CLVS2: variants seen among roughly 807,000 people sequenced by gnomAD.
The protein encoded by CLVS2 is clavesin 2.
Under a neutral mutation model 29.0 loss-of-function variants are expected in CLVS2, and 19 were observed. That is an observed-to-expected ratio of 0.66 (90% confidence interval 0.46 to 0.96). The LOEUF is 0.96. Among genes scored for constraint, CLVS2 ranks in the 40% least tolerant of loss-of-function variants. The pLI, the probability that CLVS2 is intolerant of heterozygous loss-of-function variation, is 0.00. For missense variants in CLVS2, 294 were observed against 404.1 expected (o/e 0.73, Z 2.34); for synonymous variants, 161 against 151.3 (o/e 1.06, Z -0.47).
At chr6:123,031,964 T>C (rs1396287653) in intron 3 of CLVS2, among the ~76,000 whole-genome samples, 1 of 152,164 alleles carries the variant, frequency 6.6e-6, no homozygotes, top group Non-Finnish European at 1.5e-5. Flanking sequence ...TTAGTGCCAA[T>C]ATCTTATAGT....
In CLVS2 at chr6:123,055,841, C is replaced by T; in HGVS notation, c.711C>T (p.His237=). The change falls in exon 5 of 6, where the codon CAC becomes CAT. Residue 237 remains histidine (H), a synonymous_variant. Transcript: ENST00000275162. ...ATGGTAACAACCTGAACAGTCTACACCAACTAATTCATCCTGAGATCCTGC... is the reference window on the plus strand; with the variant it reads ...ATGGTAACAACCTGAACAGTCTACATCAACTAATTCATCCTGAGATCCTGC... ...FLHGNNLNSL[H]QLIHPEILPS... 6.2e-6 allele frequency: 10 copies of T among 1,614,034 alleles called. No individual in the cohort carries two copies. The highest frequency in any genetic ancestry group is 8.5e-6 in the Non-Finnish European group (10 of 1,179,930).
intron 4 of CLVS2, among the ~76,000 whole-genome samples, chr6:123,053,674 GAGA>G (rs1188278337): frequency 1.3e-5 from 2 of 152,138 alleles, no homozygotes; most frequent in African/African-American, 2.4e-5. Flanking sequence ...TTGCTATAAA[GAGA>G]AGGAGAGAAA....
intron 2 of CLVS2, 76 bp downstream of exon 2, chr6:122,998,242 T>C: frequency 6.8e-7 from 1 of 1,463,378 alleles, no homozygotes; most frequent in South Asian, 1.3e-5. Context: ...AGTGTCATGG[T>C]TTTGTAGATT....
intron 5 of CLVS2, among the ~76,000 whole-genome samples, chr6:123,062,651 T>C (rs575730815): frequency 6.6e-6 from 1 of 152,338 alleles, no homozygotes; most frequent in East Asian, 1.9e-4. Context: ...TATCAGTTAA[T>C]CCTGTAATTA....
At chr6:123,035,825 C>T (rs1451659679) in intron 3 of CLVS2, among the ~76,000 whole-genome samples, 3 of 152,002 alleles carry the variant, frequency 2.0e-5, no homozygotes, top group African/African-American at 7.2e-5. Context: ...ACAAACACAC[C>T]CCCATATACA....
At chr6:123,004,683 C>T (rs1208184489) in intron 2 of CLVS2, among the ~76,000 whole-genome samples, 2 of 152,090 alleles carry the variant, frequency 1.3e-5, no homozygotes, top group Admixed American at 1.3e-4. Context: ...GAGGCCAAGG[C>T]GTGTAGATCA....
At chr6:123,021,321 C>A (rs1020682305) in intron 3 of CLVS2, among the ~76,000 whole-genome samples, 1 of 151,978 alleles carries the variant, frequency 6.6e-6, no homozygotes, top group African/African-American at 2.4e-5. Flanking sequence ...TAGCTGAAAT[C>A]TCTCTGTAAA....
At chr6:123,059,784 G>A (rs1351532836) in intron 5 of CLVS2, among the ~76,000 whole-genome samples, 1 of 152,120 alleles carries the variant, frequency 6.6e-6, no homozygotes, top group African/African-American at 2.4e-5. Context: ...GGCCCATCTT[G>A]TTAGATATAG....
rs956188888 is a variant in CLVS2 at position 123,069,141 on chromosome 6, C to G, written c.*5380C>G. The G allele has an allele frequency of 5.3e-5, 8 of 151,554 alleles. No homozygotes were observed. Among genetic ancestry groups the G allele is most frequent in the African/African-American group, 1.9e-4 (8 of 41,354 alleles). 9.4% of individuals were successfully genotyped at this position (151,554 alleles called of 1,614,324 possible). On this transcript the variant is annotated 3_prime_UTR_variant, in exon 6 of 6. Transcript: ENST00000275162. ...TATTCAATATTCTATAACTTCTAGT[C>G]AAACTTTCAAATGAAAGTTTGAAAG...
chr6:123,021,053 G>C (rs937894457), intron 3 of CLVS2, among the ~76,000 whole-genome samples: 1 of 150,676 alleles, frequency 6.6e-6, no homozygotes, highest in Admixed American at 6.6e-5. Context: ...AAAGAGTATG[G>C]GGGGGGTAAA....
In CLVS2 at chr6:123,064,529, T is replaced by C. The variant is rs1772825283; in HGVS notation, c.*768T>C. The C allele has an allele frequency of 6.6e-6, 1 of 151,946 alleles. No individual in the cohort carries two copies. The highest frequency in any genetic ancestry group is 6.6e-5 in the Admixed American group (1 of 15,220). The allele number at this position is 151,946 out of a possible 1,614,324, so 9.4% of individuals were successfully genotyped here. A position where few individuals can be genotyped will look rare whatever the true frequency, so the allele number is the denominator to read the frequency against. On this transcript the variant is annotated 3_prime_UTR_variant, in exon 6 of 6. Coordinates refer to ENST00000275162, the MANE Select transcript of CLVS2 (RefSeq NM_001010852.4). ...TATTATATTTCTTCCTAATGTACTC[T>C]AAGTACATTTCCCCTCCAAAACTCT...
chr6:123,034,417 A>AT (rs1271516926), intron 3 of CLVS2, among the ~76,000 whole-genome samples: 1 of 152,142 alleles, frequency 6.6e-6, no homozygotes, highest in African/African-American at 2.4e-5. Flanking sequence ...ACACACAACA[A>AT]TTTTTGTGAA....
intron 2 of CLVS2, among the ~76,000 whole-genome samples, chr6:123,000,067 G>T (rs1239426105): frequency 6.6e-6 from 1 of 151,964 alleles, no homozygotes; most frequent in African/African-American, 2.4e-5. Context: ...TTAATAATTG[G>T]TATATAGAAT....
chr6:123,014,215 A>G (rs966942751), intron 3 of CLVS2, among the ~76,000 whole-genome samples: 1 of 152,056 alleles, frequency 6.6e-6, no homozygotes, highest in Non-Finnish European at 1.5e-5. Flanking sequence ...TTTCTAGTTC[A>G]AGATCCCTGA....
chr6:123,012,833 A>G (rs1011640108), intron 3 of CLVS2, among the ~76,000 whole-genome samples: 1 of 151,990 alleles, frequency 6.6e-6, no homozygotes, highest in East Asian at 1.9e-4. Context: ...CCCAGAACAC[A>G]AGACAGAGTA....
At chr6:123,010,645 ACTGAAGGCATTCTT>A (rs1277212083) in intron 2 of CLVS2, among the ~76,000 whole-genome samples, 1 of 152,062 alleles carries the variant, frequency 6.6e-6, no homozygotes, top group Non-Finnish European at 1.5e-5. Flanking sequence ...TGTCAATATT[ACTGAAGGCATTCTT>A]GAACCACTTA....
intron 2 of CLVS2, among the ~76,000 whole-genome samples, chr6:123,006,924 G>A (rs1317735790): frequency 6.6e-6 from 1 of 152,122 alleles, no homozygotes; most frequent in Admixed American, 6.6e-5. Flanking sequence ...TCGCAGCAGG[G>A]AACCAAAGAT....
In CLVS2 at chr6:123,063,807, G is replaced by A; in HGVS notation, c.*46G>A. 1 of 1,324,852 alleles carries A rather than the reference G, an allele frequency of 7.5e-7. No homozygotes were observed. Among genetic ancestry groups the A allele is most frequent in the Non-Finnish European group, 1.1e-6 (1 of 920,568 alleles). 82.1% of individuals were successfully genotyped at this position (1,324,852 alleles called of 1,614,324 possible). On this transcript the variant is annotated 3_prime_UTR_variant, in exon 6 of 6. Transcript: ENST00000275162. ...CATGGATTAGAAATGGAAAGTATTG[G>A]TTTTCAGCAACAGGGACAACACTGT... is the stretch of plus-strand genomic sequence containing the variant.
rs1772939437 is a variant in CLVS2, at chr6:123,070,988, C to G, written c.*7227C>G. ...CTCTCTTTCCTAATTTTAGATGAAA[C>G]AGCCCTGTGGTTCTTCATATTCTCC... On this transcript the variant is annotated 3_prime_UTR_variant, in exon 6 of 6. Transcript: ENST00000275162. 6.6e-6 allele frequency: 1 copy of G among 151,980 alleles called. No homozygotes were observed. The highest frequency in any genetic ancestry group is 6.6e-5 in the Admixed American group (1 of 15,200). 9.4% of individuals were successfully genotyped at this position (151,980 alleles called of 1,614,324 possible).
Sources: allele counts gnomAD v4.1 joint callset (sites outside exome capture counted in the v4.1 genomes callset), GRCh38; gene constraint gnomAD v4.1.1; transcripts MANE v1.5; gene names NCBI Gene and HGNC (gene_info 2026-07-23, HGNC 2026-07-21).